The following ANKRD29 variants were observed in gnomAD, a reference collection of about 807,000 sequenced individuals.
ANKRD29 encodes the protein ankyrin repeat domain-containing protein 29.
ANKRD29 carries 32 observed loss-of-function variants against 38.0 expected under a neutral mutation model. The observed-to-expected ratio is 0.84, with a 90% CI of 0.64 to 1.13. The LOEUF is 1.13. Ranked by LOEUF, ANKRD29 falls within the 50% of genes most tolerant of loss-of-function variation. The pLI is 0.00. For missense variants in ANKRD29, 357 were observed against 377.9 expected (o/e 0.94, Z 0.46); for synonymous variants, 135 against 152.4 (o/e 0.89, Z 0.84).
At chr18:23,618,255 C>A (rs2059748845) in intron 7 of ANKRD29, among the ~76,000 whole-genome samples, 1 of 152,194 alleles carries the variant, frequency 6.6e-6, no homozygotes, top group Non-Finnish European at 1.5e-5. Context: ...ATTTATACAG[C>A]CTTGCCCTAG....
At chr18:23,609,541 G>A (rs1223000497) in intron 9 of ANKRD29, among the ~76,000 whole-genome samples, 1 of 152,168 alleles carries the variant, frequency 6.6e-6, no homozygotes, top group Non-Finnish European at 1.5e-5. Context: ...TTCTGTCTAG[G>A]CAGCAGGCAA....
chr18:23,602,235 C>A (rs973463188), intron 9 of ANKRD29, among the ~76,000 whole-genome samples: 2 of 152,030 alleles, frequency 1.3e-5, no homozygotes, highest in African/African-American at 2.4e-5. Context: ...TGGGGTTTCG[C>A]CATTTAGCCA....
At chr18:23,632,252 T>C (rs1176509166) in intron 5 of ANKRD29, among the ~76,000 whole-genome samples, 1 of 152,184 alleles carries the variant, frequency 6.6e-6, no homozygotes, top group Non-Finnish European at 1.5e-5. Context: ...TTTTAATTTT[T>C]TTTTAACTCT....
At chr18:23,659,183 C>T (rs1205394956) in intron 1 of ANKRD29, among the ~76,000 whole-genome samples, 1 of 151,954 alleles carries the variant, frequency 6.6e-6, no homozygotes, top group South Asian at 2.1e-4. Context: ...GGTTTCACCA[C>T]GTTGGCCAGG....
chr18:23,626,219 C>T (rs1006408642), intron 6 of ANKRD29, among the ~76,000 whole-genome samples: 3 of 152,174 alleles, frequency 2.0e-5, no homozygotes, highest in Non-Finnish European at 2.9e-5. Context: ...ACTCTGTGTA[C>T]AAGTCAAGGC....
At chr18:23,607,936 C>T (rs919316690) in intron 9 of ANKRD29, among the ~76,000 whole-genome samples, 10 of 152,190 alleles carry the variant, frequency 6.6e-5, no homozygotes, top group African/African-American at 1.2e-4. Flanking sequence ...TGAGGAATGG[C>T]TGTTGGGGCC....
At chr18:23,613,101 A>AC (rs2059664356) in intron 8 of ANKRD29, among the ~76,000 whole-genome samples, 1 of 152,050 alleles carries the variant, frequency 6.6e-6, no homozygotes, top group Non-Finnish European at 1.5e-5. Flanking sequence ...TACTCTTGTA[A>AC]CAATTTACTT....
At chr18:23,656,033 C>T (rs1169693999) in intron 1 of ANKRD29, among the ~76,000 whole-genome samples, 2 of 145,464 alleles carry the variant, frequency 1.4e-5, no homozygotes, top group Non-Finnish European at 3.0e-5. Context: ...GCGGAGCTTG[C>T]AGTGAGCCGA....
Position 23,617,818 on chromosome 18 carries a change from T to C in ANKRD29, c.637A>G (p.Thr213Ala). The C allele has an allele frequency of 1.2e-6, 2 of 1,613,828 alleles. No individual in the cohort carries two copies. The highest frequency in any genetic ancestry group is 1.1e-5 in the South Asian group (1 of 91,068). Reference protein sequence around the residue: ...DRDAARNDGTTALLKAANKGY... With the variant: ...DRDAARNDGTAALLKAANKGY... Reference sequence around the variant, plus strand: ...TTGTTGGCTGCTTTCAATAATGCTGTTGTGCCATCCTTAACAGAAAGAGGA... The same window carrying C: ...TTGTTGGCTGCTTTCAATAATGCTGCTGTGCCATCCTTAACAGAAAGAGGA... The change falls in exon 8 of 10, where the codon ACA (threonine) becomes GCA (alanine). Residue 213 changes from threonine to alanine, a missense_variant. By Grantham distance (58) the Thr-to-Ala change is moderately conservative. Transcript: ENST00000592179.
At chr18:23,639,034 C>G in intron 3 of ANKRD29, 87 bp from the exon 4 acceptor site, 2 of 1,056,006 alleles carry the variant, frequency 1.9e-6, no homozygotes, top group Non-Finnish European at 2.7e-6. Flanking sequence ...AAAACAATAT[C>G]CTTGCATAGA....
intron 9 of ANKRD29, among the ~76,000 whole-genome samples, chr18:23,602,767 G>T (rs760822498): frequency 1.5e-4 from 22 of 142,016 alleles, no homozygotes; most frequent in Admixed American, 3.5e-4. Context: ...TATTTAGAAA[G>T]AAAATATTTT....
At chr18:23,621,779 AC>A (rs752469644) in intron 6 of ANKRD29, among the ~76,000 whole-genome samples, 4 of 152,060 alleles carry the variant, frequency 2.6e-5, no homozygotes, top group Non-Finnish European at 4.4e-5. Context: ...GGCTCAAATG[AC>A]CCTCCTATCT....
rs983988740 is a variant in ANKRD29 at position 23,631,664 on chromosome 18, A to C, written c.430-1713T>G. ...CCACAAAGTGGCTCTCTGCCAGCCC[A>C]GCAGACACCAACAACACCTATAAAC... On this transcript the variant is annotated intron_variant, in intron 5 of 9. Transcript: ENST00000592179. Among the ~76,000 whole-genome samples, 3 of 152,216 alleles carry C rather than the reference A, an allele frequency of 2.0e-5. No individual in the cohort carries two copies. The East Asian group carries it at 5.8e-4, about 29-fold the overall frequency.
chr18:23,607,058 T>G (rs144745336), intron 9 of ANKRD29, among the ~76,000 whole-genome samples: 9 of 152,328 alleles, frequency 5.9e-5, no homozygotes, highest in African/African-American at 1.7e-4. Flanking sequence ...CCCCATCTTC[T>G]AGCTGGATCC....
chr18:23,607,223 T>G (rs1311034661), intron 9 of ANKRD29, among the ~76,000 whole-genome samples: 1 of 152,184 alleles, frequency 6.6e-6, no homozygotes, highest in Non-Finnish European at 1.5e-5. Flanking sequence ...CAGAGGAAAT[T>G]ATTATGCTAT....
intron 9 of ANKRD29, among the ~76,000 whole-genome samples, chr18:23,611,358 T>C (rs1414561369): frequency 1.3e-5 from 2 of 152,152 alleles, no homozygotes; most frequent in Non-Finnish European, 2.9e-5. Flanking sequence ...CCTTTCTTCC[T>C]CGCCTCCACC....
chr18:23,619,345 A>G, intron 7 of ANKRD29, 186 bp downstream of exon 7: 2 of 604,538 alleles, frequency 3.3e-6, no homozygotes, highest in Non-Finnish European at 5.6e-6. Flanking sequence ...GTGCGTCCCA[A>G]GGTCATCTCG....
At chr18:23,605,312 C>T (rs143106362) in intron 9 of ANKRD29, among the ~76,000 whole-genome samples, 1,737 of 152,064 alleles carry the variant, frequency 0.011, 34 homozygotes, top group African/African-American at 0.039. Flanking sequence ...TAGCTCATGA[C>T]AGCCTCAAAC....
intron 1 of ANKRD29, among the ~76,000 whole-genome samples, chr18:23,653,044 G>T (rs2060230179): frequency 1.3e-5 from 2 of 152,164 alleles, no homozygotes; most frequent in Admixed American, 1.3e-4. Context: ...ATTGCCTACA[G>T]TATTCCATTC....
Sources: gnomAD v4.1 joint callset for allele counts (sites outside exome capture counted in the v4.1 genomes callset) on GRCh38, gnomAD v4.1.1 for gene constraint, MANE v1.5 for transcripts, NCBI Gene and HGNC (gene_info 2026-07-23, HGNC 2026-07-21) for gene names.